SLC35F4: variants seen among roughly 807,000 people sequenced by gnomAD.
SLC35F4 encodes chromosome 14 open reading frame 36.
Under a neutral mutation model 44.2 loss-of-function variants are expected in SLC35F4, and 24 were observed. The observed-to-expected ratio is 0.54, with a 90% CI of 0.39 to 0.76. The LOEUF is 0.76. SLC35F4 is among the 30% of genes least tolerant of loss of function. The pLI is 0.00. For missense variants in SLC35F4, 562 were observed against 586.1 expected, an observed-to-expected ratio of 0.96 and a Z score of 0.42; for synonymous variants, 238 against 223.6, an observed-to-expected ratio of 1.06 and a Z score of -0.57.
At chr14:57,637,907 C>T (rs1378187789) in intron 1 of SLC35F4, among the ~76,000 whole-genome samples, 1 of 151,962 alleles carries the variant, frequency 6.6e-6, no homozygotes, top group African/African-American at 2.4e-5. Context: ...CTTTAGACCC[C>T]GTCCCTTTTG....
intron 1 of SLC35F4, among the ~76,000 whole-genome samples, chr14:57,597,534 A>G (rs540835704): frequency 3.3e-5 from 5 of 152,358 alleles, no homozygotes; most frequent in Admixed American, 2.0e-4. Flanking sequence ...TCAGTTTTGT[A>G]TGATGCAGAC....
intron 1 of SLC35F4, among the ~76,000 whole-genome samples, chr14:57,977,353 G>A (rs540128799): frequency 5.6e-4 from 85 of 152,302 alleles, no homozygotes; most frequent in South Asian, 2.3e-3. Context: ...AGAGACATCC[G>A]CAGAAGCTAA....
chr14:57,916,346 T>A (rs1191777539), intron 1 of SLC35F4, among the ~76,000 whole-genome samples: 1 of 152,200 alleles, frequency 6.6e-6, no homozygotes, highest in Non-Finnish European at 1.5e-5. Flanking sequence ...AAATTTCAAA[T>A]GAGTTTTGGT....
chr14:57,712,587 T>A (rs1186347870), intron 1 of SLC35F4, among the ~76,000 whole-genome samples: 1 of 152,226 alleles, frequency 6.6e-6, no homozygotes, highest in Non-Finnish European at 1.5e-5. Flanking sequence ...ATGTAGCTGT[T>A]TTCTTCACTC....
chr14:57,673,023 T>A (rs2074571577), intron 1 of SLC35F4, among the ~76,000 whole-genome samples: 1 of 152,126 alleles, frequency 6.6e-6, no homozygotes, highest in South Asian at 2.1e-4. Context: ...TTAGAAAAGG[T>A]AGCAAAGGGC....
intron 6 of SLC35F4, among the ~76,000 whole-genome samples, chr14:57,567,262 A>T (rs914719429): frequency 2.0e-5 from 3 of 152,220 alleles, no homozygotes; most frequent in African/African-American, 7.2e-5. Flanking sequence ...TCAAAAACAC[A>T]TTTTCAAAAA....
chr14:57,967,258 A>G (rs1375712147), intron 1 of SLC35F4, among the ~76,000 whole-genome samples: 1 of 152,178 alleles, frequency 6.6e-6, no homozygotes, highest in Non-Finnish European at 1.5e-5. Context: ...AAATAAATAA[A>G]TACATCATAT....
chr14:57,770,252 C>A (rs137900371), intron 1 of SLC35F4, among the ~76,000 whole-genome samples: 1 of 152,146 alleles, frequency 6.6e-6, no homozygotes, highest in Non-Finnish European at 1.5e-5. Context: ...TCTTCCTGTC[C>A]GACAAGTGAT....
At chr14:57,756,925 G>A (rs1442455495) in intron 1 of SLC35F4, among the ~76,000 whole-genome samples, 3 of 152,022 alleles carry the variant, frequency 2.0e-5, no homozygotes, top group Non-Finnish European at 4.4e-5. Context: ...GCCTCCCAAA[G>A]TGTTGGGATT....
rs142481558 is a variant in SLC35F4 at position 57,568,474 on chromosome 14, A to C, written c.1126+1314T>G. On this transcript the variant is annotated intron_variant, in intron 6 of 7. Transcript: ENST00000556826. ...CTTTTAATGAGGATGTTTTGGTCTT[A>C]CAGAAATATCACTATTGATTTCTAC... is the stretch of plus-strand genomic sequence containing the variant. Among the ~76,000 whole-genome samples, 44 of 152,354 alleles carry C rather than the reference A, an allele frequency of 2.9e-4. No homozygotes were observed. The East Asian group carries it at 7.5e-3, about 26-fold the overall frequency.
chr14:57,615,331 G>C (rs2071746611), intron 1 of SLC35F4, among the ~76,000 whole-genome samples: 1 of 146,470 alleles, frequency 6.8e-6, no homozygotes, highest in Admixed American at 7.2e-5. Context: ...GAGAATCCCT[G>C]AAAGAACAAG....
intron 1 of SLC35F4, among the ~76,000 whole-genome samples, chr14:57,828,289 A>G (rs1884000936): frequency 6.6e-6 from 1 of 152,192 alleles, no homozygotes; most frequent in African/African-American, 2.4e-5. Flanking sequence ...TTAAAGCTCC[A>G]CATGATGAAA....
At chr14:57,788,854 AACTC>A (rs750892836) in intron 1 of SLC35F4, among the ~76,000 whole-genome samples, 26 of 152,192 alleles carry the variant, frequency 1.7e-4, no homozygotes, top group Non-Finnish European at 3.2e-4. Flanking sequence ...AGGATCCAGA[AACTC>A]ACTCAAAACC....
chr14:57,584,403 A>G (rs116693908), intron 3 of SLC35F4, among the ~76,000 whole-genome samples: 261 of 152,266 alleles, frequency 1.7e-3, no homozygotes, highest in African/African-American at 5.2e-3. Flanking sequence ...CACTAACTCT[A>G]TTCTTCCCTT....
intron 1 of SLC35F4, among the ~76,000 whole-genome samples, chr14:57,636,289 A>G (rs1233866648): frequency 6.6e-6 from 1 of 152,112 alleles, no homozygotes; most frequent in Non-Finnish European, 1.5e-5. Context: ...AAACATGTAG[A>G]CCTTACTAAC....
intron 5 of SLC35F4, 145 bp from the exon 6 acceptor site, chr14:57,570,125 G>A: frequency 1.5e-6 from 1 of 657,534 alleles, no homozygotes; most frequent in Non-Finnish European, 2.5e-6. Flanking sequence ...CACTAGATGG[G>A]CTGTTGAGAT....
intron 1 of SLC35F4, among the ~76,000 whole-genome samples, chr14:57,655,205 TAA>T (rs553755163): frequency 2.4e-4 from 36 of 151,748 alleles, no homozygotes; most frequent in African/African-American, 8.2e-4. Flanking sequence ...TTCCTTTTTT[TAA>T]AAAAAATACA....
chr14:57,656,545 T>C (rs1008698197), intron 1 of SLC35F4, among the ~76,000 whole-genome samples: 3 of 152,000 alleles, frequency 2.0e-5, no homozygotes, highest in Non-Finnish European at 4.4e-5. Context: ...AGAAATCTCC[T>C]CAGATTTTAG....
chr14:57,593,489 A>G (rs1037938181), intron 2 of SLC35F4, among the ~76,000 whole-genome samples: 1 of 152,154 alleles, frequency 6.6e-6, no homozygotes, highest in Non-Finnish European at 1.5e-5. Flanking sequence ...GAAAGTATGA[A>G]ACTGGGAATA....
Sources: gnomAD v4.1 joint callset for allele counts (sites outside exome capture counted in the v4.1 genomes callset) on GRCh38, gnomAD v4.1.1 for gene constraint, MANE v1.5 for transcripts, NCBI Gene and HGNC (gene_info 2026-07-23, HGNC 2026-07-21) for gene names.